The following STK32A variants were observed in gnomAD, a reference collection of about 807,000 sequenced individuals.
STK32A encodes serine/threonine kinase 32A.
STK32A carries 41 observed loss-of-function variants against 53.2 expected under a neutral mutation model. That is an observed-to-expected ratio of 0.77 (90% CI 0.60 to 1.00). The LOEUF (loss-of-function observed/expected upper bound fraction) is 1.00. Among genes scored for constraint, STK32A ranks in the 50% least tolerant of loss-of-function variants. The probability of loss-of-function intolerance (pLI) is 0.00; values close to 1 mark genes in which losing one functional copy is unlikely to be tolerated. For missense variants in STK32A, 458 were observed against 485.8 expected (o/e 0.94, Z 0.54); for synonymous variants, 166 against 162.8 (o/e 1.02, Z -0.15).
Position 147,286,995 on chromosome 5 carries a change from A to T in STK32A, c.260+7597A>T, listed in dbSNP as rs564389176. Among the ~76,000 whole-genome samples, 789 of 152,266 alleles carry T rather than the reference A, an allele frequency of 5.2e-3. 8 individuals are homozygous for T. The highest frequency in any genetic ancestry group is 0.018 in the African/African-American group (765 of 41,560). The stretch of plus-strand genomic sequence containing the variant: ...TATACGAAGCACTTTCTCCCTTAAA[A>T]TAACTGGCAATAAAACTGTTGCTTT... On this transcript the variant is annotated intron_variant, in intron 4 of 12. Coordinates refer to ENST00000397936, the MANE Select transcript of STK32A (RefSeq NM_001112724.2).
At chr5:147,347,323 CA>C (rs72262381) in intron 6 of STK32A, among the ~76,000 whole-genome samples, 34,531 of 141,926 alleles carry the variant, frequency 0.24, 4,954 homozygotes, top group African/African-American at 0.42. Context: ...GCAATAGAGG[CA>C]AAAAAAAAAA....
rs1173567061 is a variant in STK32A at position 147,385,493 on chromosome 5, A to T, written c.*1510A>T. ...CCACACATCCAAGACAGGCAAGTTCATGGAGACTAAGGGAACAGTGGTATC... is the reference window on the plus strand; with the variant it reads ...CCACACATCCAAGACAGGCAAGTTCTTGGAGACTAAGGGAACAGTGGTATC... On this transcript the variant is annotated 3_prime_UTR_variant, in exon 13 of 13. Coordinates refer to ENST00000397936, the MANE Select transcript of STK32A (RefSeq NM_001112724.2). The T allele has an allele frequency of 6.6e-6, 1 of 152,218 alleles. No homozygotes were observed. Among genetic ancestry groups the T allele is most frequent in the Non-Finnish European group, 1.5e-5 (1 of 68,046 alleles). 9.4% of individuals were successfully genotyped at this position (152,218 alleles called of 1,614,324 possible). A position where few individuals can be genotyped will look rare whatever the true frequency, so the allele number is the denominator to read the frequency against.
At chr5:147,263,506 C>A (rs80008405) in intron 2 of STK32A, among the ~76,000 whole-genome samples, 337 of 152,048 alleles carry the variant, frequency 2.2e-3, no homozygotes, top group African/African-American at 7.8e-3. Context: ...TAAGAGAAAG[C>A]TATGAAAACC....
chr5:147,325,526 G>T (rs1162616597), intron 5 of STK32A, among the ~76,000 whole-genome samples: 1 of 152,134 alleles, frequency 6.6e-6, no homozygotes, highest in Non-Finnish European at 1.5e-5. Context: ...CTCTGTGCAG[G>T]TACCACAGGC....
chr5:147,303,221 C>T (rs555144306), intron 4 of STK32A, among the ~76,000 whole-genome samples: 6 of 152,182 alleles, frequency 3.9e-5, no homozygotes, highest in Middle Eastern at 6.8e-3. Context: ...AACAAACTGC[C>T]CCAAAACTTA....
At chr5:147,242,950 C>T (rs1375325292) in intron 2 of STK32A, among the ~76,000 whole-genome samples, 1 of 152,068 alleles carries the variant, frequency 6.6e-6, no homozygotes, top group Admixed American at 6.6e-5. Context: ...ATTAACCAAA[C>T]AACATTAATG....
chr5:147,269,773 T>G (rs1343187138), intron 2 of STK32A, among the ~76,000 whole-genome samples: 1 of 152,208 alleles, frequency 6.6e-6, no homozygotes, highest in East Asian at 1.9e-4. Context: ...GCTGTATATG[T>G]GAAATATTTA....
At chr5:147,253,943 T>C (rs918794687) in intron 2 of STK32A, among the ~76,000 whole-genome samples, 3 of 152,136 alleles carry the variant, frequency 2.0e-5, no homozygotes, top group African/African-American at 7.2e-5. Context: ...CAGCAGAAAC[T>C]TTTTCTTGGT....
intron 5 of STK32A, among the ~76,000 whole-genome samples, chr5:147,332,215 C>T: frequency 6.6e-6 from 1 of 152,144 alleles, no homozygotes; most frequent in South Asian, 2.1e-4. Flanking sequence ...TAAAATTAAA[C>T]TAAACCAAGA....
chr5:147,238,115 A>C (rs1284821463), intron 1 of STK32A, among the ~76,000 whole-genome samples: 1 of 152,250 alleles, frequency 6.6e-6, no homozygotes, highest in Non-Finnish European at 1.5e-5. Flanking sequence ...CTAAGCATGA[A>C]ATTTTCTTAA....
At chr5:147,279,516 T>G (rs1751948301) in intron 4 of STK32A, 118 bp downstream of exon 4, 1 of 856,000 alleles carries the variant, frequency 1.2e-6, no homozygotes, top group African/African-American at 1.7e-5. Flanking sequence ...TTGACACAAT[T>G]GCAAGAAAGA....
At chr5:147,353,517 T>C (rs1404147931) in intron 7 of STK32A, among the ~76,000 whole-genome samples, 1 of 152,074 alleles carries the variant, frequency 6.6e-6, no homozygotes, top group Non-Finnish European at 1.5e-5. Context: ...ATCCCAGCAC[T>C]TTGGGAGACC....
chr5:147,281,641 T>C (rs1370376677), intron 4 of STK32A, among the ~76,000 whole-genome samples: 1 of 151,790 alleles, frequency 6.6e-6, no homozygotes, highest in African/African-American at 2.4e-5. Context: ...ATAATGGGTG[T>C]CCCTGAGGAA....
intron 9 of STK32A, among the ~76,000 whole-genome samples, chr5:147,371,722 G>C (rs1452769758): frequency 3.3e-5 from 5 of 152,194 alleles, no homozygotes; most frequent in Non-Finnish European, 7.3e-5. Context: ...TTATTGAAGA[G>C]GGTCCAAGCT....
At chr5:147,310,524 G>A (rs190341785) in intron 4 of STK32A, among the ~76,000 whole-genome samples, 25 of 152,220 alleles carry the variant, frequency 1.6e-4, no homozygotes, top group African/African-American at 4.3e-4. Flanking sequence ...CCTCTCCCAC[G>A]CCAGCCAGGC....
chr5:147,261,518 C>G (rs1754570157), intron 2 of STK32A, among the ~76,000 whole-genome samples: 1 of 152,040 alleles, frequency 6.6e-6, no homozygotes, highest in Non-Finnish European at 1.5e-5. Context: ...ATCAGACTGA[C>G]TTAGAGTGGA....
intron 4 of STK32A, among the ~76,000 whole-genome samples, chr5:147,299,077 A>G (rs547220381): frequency 6.6e-6 from 1 of 152,178 alleles, no homozygotes; most frequent in Non-Finnish European, 1.5e-5. Context: ...TTGCAGAGTA[A>G]GGTGAAAGCA....
intron 2 of STK32A, among the ~76,000 whole-genome samples, chr5:147,245,500 T>C (rs1389378731): frequency 2.0e-5 from 3 of 152,208 alleles, no homozygotes; most frequent in African/African-American, 7.2e-5. Flanking sequence ...GTTTTGCTTA[T>C]TGAGGTTTTC....
intron 8 of STK32A, among the ~76,000 whole-genome samples, chr5:147,369,131 C>T (rs961502016): frequency 6.6e-6 from 1 of 152,076 alleles, no homozygotes; most frequent in Admixed American, 6.6e-5. Flanking sequence ...TGAGTTATTT[C>T]TACTATATAA....
Sources: gnomAD v4.1 joint callset for allele counts (sites outside exome capture counted in the v4.1 genomes callset) on GRCh38, gnomAD v4.1.1 for gene constraint, MANE v1.5 for transcripts, NCBI Gene and HGNC (gene_info 2026-07-23, HGNC 2026-07-21) for gene names.